Variants in NHLRC2 observed in about 807,000 individuals in gnomAD.
NHLRC2 encodes NHL repeat containing 2.
In NHLRC2, 33 loss-of-function variants were observed where a neutral mutation model predicts 68.1. That is an observed-to-expected ratio of 0.48 (90% CI 0.37 to 0.65). NHLRC2 has a LOEUF of 0.65. Ranked by LOEUF, NHLRC2 falls within the 30% of genes least tolerant of loss-of-function variation. NHLRC2 has a pLI of 0.00. For synonymous variants in NHLRC2, 311 were observed against 309.6 expected (o/e 1.00, Z -0.05); for missense variants, 761 against 853.8 (o/e 0.89, Z 1.35).
intron 10 of NHLRC2, among the ~76,000 whole-genome samples, chr10:113,906,669 A>C (rs1179601658): frequency 2.0e-5 from 3 of 152,196 alleles, no homozygotes; most frequent in Non-Finnish European, 4.4e-5. Context: ...AAAATAGCTC[A>C]GTATTATTTT....
At chr10:113,865,085 G>A (rs916295191) in intron 2 of NHLRC2, among the ~76,000 whole-genome samples, 2 of 151,826 alleles carry the variant, frequency 1.3e-5, no homozygotes, top group African/African-American at 4.8e-5. Flanking sequence ...GAGTAGCTGG[G>A]ACTACAGGCG....
At chr10:113,893,862 C>T (rs1846154172) in intron 5 of NHLRC2, among the ~76,000 whole-genome samples, 1 of 152,106 alleles carries the variant, frequency 6.6e-6, no homozygotes, top group Non-Finnish European at 1.5e-5. Context: ...CTAAGAAAAG[C>T]AAATGTTTTT....
intron 4 of NHLRC2, among the ~76,000 whole-genome samples, chr10:113,883,055 T>C (rs1405840561): frequency 1.3e-5 from 2 of 151,868 alleles, no homozygotes; most frequent in Non-Finnish European, 3.0e-5. Context: ...CCTTACTGTT[T>C]TGATTGCTGT....
At chr10:113,866,169 GTCGCAAATGAGAAA>G (rs1845866351) in intron 2 of NHLRC2, among the ~76,000 whole-genome samples, 1 of 152,202 alleles carries the variant, frequency 6.6e-6, no homozygotes, top group South Asian at 2.1e-4. Context: ...CACTTTCACA[GTCGCAAATGAGAAA>G]TCGCAAATGC....
At chr10:113,872,555 A>C (rs1393348948) in intron 2 of NHLRC2, among the ~76,000 whole-genome samples, 1 of 152,120 alleles carries the variant, frequency 6.6e-6, no homozygotes, top group African/African-American at 2.4e-5. Context: ...TGAAAAAAAA[A>C]CAGCTTGAAT....
chr10:113,883,885 A>T (rs1039300625), intron 4 of NHLRC2, among the ~76,000 whole-genome samples: 2 of 151,936 alleles, frequency 1.3e-5, no homozygotes, highest in African/African-American at 4.8e-5. Flanking sequence ...TTACTAGCTG[A>T]GCACAACTGA....
At chr10:113,904,402 G>T (rs4244310) in intron 9 of NHLRC2, among the ~76,000 whole-genome samples, 121,994 of 152,106 alleles carry the variant, frequency 0.8, 49,222 homozygotes, top group Admixed American at 0.87. Context: ...ATTTTTAAAA[G>T]AAACATAGAT....
rs188809652 is a variant in NHLRC2 at position 113,881,502 on chromosome 10, T to C, written c.909+1807T>C. On this transcript the variant is annotated intron_variant, in intron 4 of 10. Coordinates refer to ENST00000369301, the MANE Select transcript of NHLRC2 (RefSeq NM_198514.4). ...AATTGATTATATTCTCATTCATGGC[T>C]CACGAACATTGTTTCATGCAGACCC... Among the ~76,000 whole-genome samples, 525 of 151,878 alleles carry C rather than the reference T, an allele frequency of 3.5e-3. 1 individual carries two copies. Among genetic ancestry groups the C allele is most frequent in the Non-Finnish European group, 6.3e-3 (425 of 67,726 alleles).
rs182365348 is a variant in NHLRC2, at chr10:113,876,724, A to G, written c.535A>G (p.Ile179Val). The change falls in exon 3 of 11, where the codon ATT becomes GTT. Residue 179 changes from isoleucine (I) to valine (V), a missense_variant. Physicochemically the swap from Ile to Val is conservative, Grantham distance 29. Transcript: ENST00000369301. ...GPRGNMLFSL[I>V]GEGHKDKLFL... ...TCGTGGAAACATGTTGTTTTCTTTG[A>G]TTGGAGAGGGACACAAAGATAAATT... The G allele has an allele frequency of 7.4e-6, 12 of 1,613,686 alleles. No homozygotes were observed. The East Asian group carries it at 2.5e-4, about 33-fold the overall frequency.
rs145237491 is a variant in NHLRC2, at chr10:113,902,136, G to C, written c.1371+239G>C. ...GTTAAGGTTTCAGGGAGAAAGAAAGGATGAAGCATTGATTATTGGAGAAAA... is the reference window on the plus strand; with the variant it reads ...GTTAAGGTTTCAGGGAGAAAGAAAGCATGAAGCATTGATTATTGGAGAAAA... On this transcript the variant is annotated intron_variant, in intron 7 of 10. Transcript: ENST00000369301. 2.0e-3 allele frequency among the ~76,000 whole-genome samples: 309 copies of C among 152,278 alleles called. 1 individual carries two copies. The highest frequency in any genetic ancestry group is 7.2e-3 in the African/African-American group (298 of 41,552).
chr10:113,905,246 C>T (rs1846266222), intron 10 of NHLRC2, among the ~76,000 whole-genome samples: 1 of 152,146 alleles, frequency 6.6e-6, no homozygotes, highest in South Asian at 2.1e-4. Context: ...GTGTAACTCA[C>T]CAAAAGTTAC....
rs902075015 is a variant in NHLRC2 at position 113,911,229 on chromosome 10, C to T, written c.*2693C>T. 3 of 151,970 alleles carry T rather than the reference C, an allele frequency of 2.0e-5. No homozygotes were observed. Among genetic ancestry groups the T allele is most frequent in the Non-Finnish European group, 2.9e-5 (2 of 67,908 alleles). The allele number at this position is 151,970 out of a possible 1,614,324, so 9.4% of individuals were successfully genotyped here. On this transcript the variant is annotated 3_prime_UTR_variant, in exon 11 of 11. Coordinates refer to ENST00000369301, the MANE Select transcript of NHLRC2 (RefSeq NM_198514.4). ...TCTGCTGGTTTGTCGCTATTTTTTTCCTCTCCTCTTTATTATTTCACAAAT... is the reference window on the plus strand; with the variant it reads ...TCTGCTGGTTTGTCGCTATTTTTTTTCTCTCCTCTTTATTATTTCACAAAT...
chr10:113,890,484 G>A (rs1028245627), intron 5 of NHLRC2, among the ~76,000 whole-genome samples: 1 of 151,956 alleles, frequency 6.6e-6, no homozygotes. Flanking sequence ...TATCCTGCTT[G>A]GAGTTCTTGA....
chr10:113,883,170 T>C (rs1846051011), intron 4 of NHLRC2, among the ~76,000 whole-genome samples: 2 of 151,916 alleles, frequency 1.3e-5, no homozygotes, highest in African/African-American at 4.8e-5. Context: ...ATAAGAATTT[T>C]AGGACCAGCT....
chr10:113,902,388 G>C, intron 7 of NHLRC2, 83 bp from the exon 8 acceptor site: 1 of 905,118 alleles, frequency 1.1e-6, no homozygotes, highest in Non-Finnish European at 1.7e-6. Flanking sequence ...ATTTGTAACT[G>C]TTTGAATTTT....
intron 5 of NHLRC2, among the ~76,000 whole-genome samples, chr10:113,890,863 A>T (rs1393270094): frequency 6.6e-6 from 1 of 152,130 alleles, no homozygotes; most frequent in Non-Finnish European, 1.5e-5. Context: ...ATGGCTGGGG[A>T]GGCCTCAGGA....
In NHLRC2 at chr10:113,858,651, A is replaced by G. The variant is rs896998574; in HGVS notation, c.302A>G (p.His101Arg). 19 of 1,611,028 alleles carry G rather than the reference A, an allele frequency of 1.2e-5. No individual in the cohort carries two copies. The highest frequency in any genetic ancestry group is 1.6e-5 in the Non-Finnish European group (19 of 1,177,418). Residue 101 changes from histidine to arginine, a missense_variant, in exon 2 of 11, where the codon CAT becomes CGT. His to Arg is a conservative substitution (Grantham distance 29). Coordinates refer to ENST00000369301, the MANE Select transcript of NHLRC2 (RefSeq NM_198514.4). ...TGTATTCACCTATTGCCTGATCTCC[A>G]TGCATTAGAACACACATACTCTGAT... The part of the protein sequence containing the change: ...INCIHLLPDL[H>R]ALEHTYSDKD...
chr10:113,898,172 G>T lies in NHLRC2; in HGVS notation c.1102G>T (p.Ala368Ser), dbSNP rs1846192670. Residue 368 changes from alanine to serine, a missense_variant, in exon 6 of 11, where the codon GCA becomes TCA. Physicochemically the swap from Ala to Ser is moderately conservative, Grantham distance 99. Transcript: ENST00000369301. ...CATGGCAGGGACTCATCAGATATGG[G>T]CACTCCTGCTGGACTCTGGCAAACT... ...IAMAGTHQIW[A>S]LLLDSGKLPK... The T allele has an allele frequency of 3.1e-6, 5 of 1,612,982 alleles. No individual in the cohort carries two copies. The highest frequency in any genetic ancestry group is 2.2e-5 in the East Asian group (1 of 44,860).
intron 5 of NHLRC2, among the ~76,000 whole-genome samples, chr10:113,891,042 C>T (rs937980202): frequency 6.6e-6 from 1 of 152,176 alleles, no homozygotes; most frequent in African/African-American, 2.4e-5. Context: ...CCCCCATGAT[C>T]CAATCACTTT....
Sources: gnomAD v4.1 joint callset for allele counts (sites outside exome capture counted in the v4.1 genomes callset) on GRCh38, gnomAD v4.1.1 for gene constraint, MANE v1.5 for transcripts, NCBI Gene and HGNC (gene_info 2026-07-23, HGNC 2026-07-21) for gene names.